The following ONECUT2 variants were observed in gnomAD, a reference collection of about 807,000 sequenced individuals.
ONECUT2 encodes the protein one cut homeobox 2, also known as one cut domain family member 2.
ONECUT2 carries 10 observed loss-of-function variants against 27.9 expected under a neutral mutation model. That is an observed-to-expected ratio of 0.36 (90% confidence interval 0.22 to 0.61). The LOEUF (loss-of-function observed/expected upper bound fraction) is 0.61. ONECUT2 is among the 20% of genes least tolerant of loss of function. The pLI is 0.73. For synonymous variants in ONECUT2, 334 were observed against 315.1 expected (o/e 1.06, Z -0.64); for missense variants, 686 against 721.0 (o/e 0.95, Z 0.56).
chr18:57,465,065 T>G (rs1053097181), intron 1 of ONECUT2, among the ~76,000 whole-genome samples: 2 of 152,134 alleles, frequency 1.3e-5, no homozygotes, highest in African/African-American at 4.8e-5. Context: ...ACCGCCACAG[T>G]GTCAGTTTTG....
chr18:57,464,572 G>A (rs747257071), intron 1 of ONECUT2, among the ~76,000 whole-genome samples: 9 of 152,124 alleles, frequency 5.9e-5, no homozygotes, highest in African/African-American at 1.7e-4. Context: ...GGTAAACTAT[G>A]CAAGACAGAG....
Position 57,487,820 on chromosome 18 carries a change from G to C in ONECUT2, c.*11097G>C, listed in dbSNP as rs2050445724. ...TTCTTTAAATCCTTCAATTATCTGA[G>C]GCCTCTATATGTCAAAACTATTTTT... On this transcript the variant is annotated 3_prime_UTR_variant, in exon 2 of 2. Transcript: ENST00000491143. 1 of 152,108 alleles carries C rather than the reference G, an allele frequency of 6.6e-6. No individual in the cohort carries two copies. The highest frequency in any genetic ancestry group is 2.4e-5 in the African/African-American group (1 of 41,422). The allele number at this position is 152,108 out of a possible 1,614,324, so 9.4% of individuals were successfully genotyped here. A position where few individuals can be genotyped will look rare whatever the true frequency, so the allele number is the denominator to read the frequency against.
chr18:57,460,411 T>G (rs2050283809), intron 1 of ONECUT2, among the ~76,000 whole-genome samples: 1 of 152,178 alleles, frequency 6.6e-6, no homozygotes, highest in South Asian at 2.1e-4. Flanking sequence ...TATATTATAT[T>G]CCCTTATGTA....
At chr18:57,466,862 T>C (rs2050323903) in intron 1 of ONECUT2, among the ~76,000 whole-genome samples, 1 of 150,362 alleles carries the variant, frequency 6.7e-6, no homozygotes, top group African/African-American at 2.4e-5. Flanking sequence ...GCCTGTTCTT[T>C]GAGGCTACTC....
chr18:57,462,305 C>T (rs556082318), intron 1 of ONECUT2, among the ~76,000 whole-genome samples: 8 of 152,336 alleles, frequency 5.3e-5, no homozygotes, highest in Admixed American at 2.0e-4. Flanking sequence ...ATTCTGGATT[C>T]AGGCCCTGTG....
chr18:57,457,142 A>G (rs2050264066), intron 1 of ONECUT2, among the ~76,000 whole-genome samples: 1 of 152,244 alleles, frequency 6.6e-6, no homozygotes, highest in South Asian at 2.1e-4. Context: ...ATCATCTTAC[A>G]GTCCCACCAA....
intron 1 of ONECUT2, among the ~76,000 whole-genome samples, chr18:57,465,408 C>T (rs568442063): frequency 6.6e-6 from 1 of 152,344 alleles, no homozygotes; most frequent in East Asian, 1.9e-4. Flanking sequence ...AAGCAATCCG[C>T]CCGCCTTGGC....
intron 1 of ONECUT2, among the ~76,000 whole-genome samples, chr18:57,473,190 C>T (rs1216301150): frequency 1.3e-5 from 2 of 152,262 alleles, no homozygotes; most frequent in South Asian, 4.1e-4. Context: ...GCAAAGAGGG[C>T]CCCTCTGATG....
chr18:57,460,530 A>C (rs1013742407), intron 1 of ONECUT2, among the ~76,000 whole-genome samples: 1 of 149,352 alleles, frequency 6.7e-6, no homozygotes, highest in Non-Finnish European at 1.5e-5. Flanking sequence ...GAGCTCTAAT[A>C]GGATATATAT....
chr18:57,449,323 G>C (rs765784229), intron 1 of ONECUT2, among the ~76,000 whole-genome samples: 1 of 151,988 alleles, frequency 6.6e-6, no homozygotes, highest in Non-Finnish European at 1.5e-5. Context: ...AAATATCTGT[G>C]AATAAGTTAA....
intron 1 of ONECUT2, among the ~76,000 whole-genome samples, chr18:57,456,151 T>A (rs949642203): frequency 6.6e-6 from 1 of 152,194 alleles, no homozygotes; most frequent in Admixed American, 6.5e-5. Flanking sequence ...TGTAAGATGG[T>A]GTAGCCACTG....
At chr18:57,438,846 A>G (rs544047765) in intron 1 of ONECUT2, among the ~76,000 whole-genome samples, 32 of 152,306 alleles carry the variant, frequency 2.1e-4, no homozygotes, top group African/African-American at 7.5e-4. Flanking sequence ...GTAGAGAGCG[A>G]TAATAATAGC....
chr18:57,441,841 G>A (rs2050175805), intron 1 of ONECUT2, among the ~76,000 whole-genome samples: 1 of 152,254 alleles, frequency 6.6e-6, no homozygotes, highest in African/African-American at 2.4e-5. Context: ...AGTAACAAAA[G>A]CCTGAGCTTC....
chr18:57,445,876 G>C (rs761322339), intron 1 of ONECUT2, among the ~76,000 whole-genome samples: 2 of 152,270 alleles, frequency 1.3e-5, no homozygotes, highest in African/African-American at 4.8e-5. Context: ...GGGAAGAAGA[G>C]TTTTCTCATT....
In ONECUT2 at chr18:57,478,250, G is replaced by A. The variant is rs1262757970; in HGVS notation, c.*1527G>A. 1.3e-5 allele frequency: 2 copies of A among 152,442 alleles called. No homozygotes were observed. The highest frequency in any genetic ancestry group is 2.9e-5 in the Non-Finnish European group (2 of 68,038). The allele number at this position is 152,442 out of a possible 1,614,324, so 9.4% of individuals were successfully genotyped here. A position where few individuals can be genotyped will look rare whatever the true frequency, so the allele number is the denominator to read the frequency against. On this transcript the variant is annotated 3_prime_UTR_variant, in exon 2 of 2. Transcript: ENST00000491143. ...GTGGAAGAGCGCCCACAGAACTCTG[G>A]GAGATTGCAAAGGTCACAATGTGCA...
chr18:57,475,466 TAC>T (rs146713837), intron 1 of ONECUT2, among the ~76,000 whole-genome samples: 3,218 of 152,290 alleles, frequency 0.021, 118 homozygotes, highest in African/African-American at 0.073. Context: ...CTGTGAAGTG[TAC>T]AGATTCCCTG....
intron 1 of ONECUT2, among the ~76,000 whole-genome samples, chr18:57,456,303 T>C (rs2050259144): frequency 6.6e-6 from 1 of 152,202 alleles, no homozygotes; most frequent in South Asian, 2.1e-4. Flanking sequence ...CACTGCAGTG[T>C]TATTCACAAC....
intron 1 of ONECUT2, among the ~76,000 whole-genome samples, chr18:57,462,604 G>C (rs2050298238): frequency 6.6e-6 from 1 of 151,978 alleles, no homozygotes; most frequent in Non-Finnish European, 1.5e-5. Flanking sequence ...TGTTGCACAG[G>C]AGAAGTTCTT....
intron 1 of ONECUT2, among the ~76,000 whole-genome samples, chr18:57,440,704 C>A (rs896878026): frequency 1.3e-5 from 2 of 152,344 alleles, no homozygotes; most frequent in East Asian, 1.9e-4. Context: ...GTGCTTGTCT[C>A]CCGCTGCGCC....
Sources: gnomAD v4.1 joint callset for allele counts (sites outside exome capture counted in the v4.1 genomes callset) on GRCh38, gnomAD v4.1.1 for gene constraint, MANE v1.5 for transcripts, NCBI Gene and HGNC (gene_info 2026-07-23, HGNC 2026-07-21) for gene names.